SPTBN4: variants seen among roughly 807,000 people sequenced by gnomAD.
SPTBN4 encodes the protein spectrin beta chain, non-erythrocytic 4.
Under a neutral mutation model 277.8 loss-of-function variants are expected in SPTBN4, and 96 were observed. The ratio of observed to expected loss-of-function variants is 0.35; its 90% confidence interval spans 0.29 to 0.41. SPTBN4 has a LOEUF of 0.41. SPTBN4 is among the 10% of genes least tolerant of loss of function. SPTBN4 has a pLI of 1.00. For synonymous variants in SPTBN4, 1,481 were observed against 1,580.3 expected (o/e 0.94, Z 1.49); for missense variants, 3,006 against 3,595.7 (o/e 0.84, Z 4.19).
chr19:40,504,175 G>C (rs999995039), intron 12 of SPTBN4, 43 bp downstream of exon 12: 1 of 1,514,342 alleles, frequency 6.6e-7, no homozygotes, highest in Non-Finnish European at 9.0e-7. Context: ...TGCCAGGAGG[G>C]AGGGGAGGAT....
chr19:40,559,948 G>A (rs926201799), intron 26 of SPTBN4, among the ~76,000 whole-genome samples: 1 of 152,238 alleles, frequency 6.6e-6, no homozygotes, highest in African/African-American at 2.4e-5. Context: ...TCAGGCAGTG[G>A]GTTGAAAGAG....
chr19:40,526,492 C>T (rs73050111), intron 17 of SPTBN4, among the ~76,000 whole-genome samples: 52,724 of 151,816 alleles, frequency 0.35, 9,684 homozygotes, highest in Middle Eastern at 0.4. Context: ...TTCTTATCTG[C>T]GTTTTGCATG....
chr19:40,569,936 CCACACACACACACACACACACACACACA>C lies in SPTBN4; in HGVS notation c.7026+221_7026+248del, dbSNP rs60074818. 3.8e-5 allele frequency among the ~76,000 whole-genome samples: 5 copies of C among 131,570 alleles called. No homozygotes were observed. In the East Asian group the frequency reaches 8.7e-4, roughly 23 times the overall value. The allele number at this position is 131,570 out of a possible 152,430, so 86.3% of individuals were successfully genotyped here. On this transcript the variant is annotated intron_variant, in intron 32 of 35. Coordinates refer to ENST00000598249, the MANE Select transcript of SPTBN4 (RefSeq NM_020971.3). ...TACCTAAGAGACCCCTACTGCCCCTCCACACACACACACACACACACACACACACACACACACAGACACACACACACAG... is the reference window on the plus strand; with the variant it reads ...TACCTAAGAGACCCCTACTGCCCCTCCACACACACAGACACACACACACAG...
At chr19:40,563,765 G>A (rs1225888205) in intron 27 of SPTBN4, among the ~76,000 whole-genome samples, 3 of 130,110 alleles carry the variant, frequency 2.3e-5, no homozygotes, top group Non-Finnish European at 3.2e-5. Context: ...GAGGCCAGGC[G>A]CAGTGGCTCA....
rs372235364 is a variant in SPTBN4 at position 40,540,556 on chromosome 19, A to G, written c.4359+6213A>G. Among the ~76,000 whole-genome samples, 3 of 152,090 alleles carry G rather than the reference A, an allele frequency of 2.0e-5. No individual in the cohort carries two copies. In the East Asian group the frequency reaches 5.9e-4, roughly 30 times the overall value. On this transcript the variant is annotated intron_variant, in intron 20 of 35. Coordinates refer to ENST00000598249, the MANE Select transcript of SPTBN4 (RefSeq NM_020971.3). ...TGCACCTGGCCCCAAAACACATTTT[A>G]AAAAAGCAACATGGATGATTGGGCA...
At position 40,490,230 on chromosome 19, in the gene SPTBN4, C is replaced by T. The variant is rs760579496; in HGVS notation, c.477C>T (p.Thr159=). The part of the protein sequence containing the change: ...NHRLTLGLVW[T]IILRFQIQVI... ...GGCTGACGCTGGGGCTGGTCTGGAC[C>T]ATCATCCTGCGCTTCCAGGTGACCC... The change falls in exon 4 of 36, where the codon ACC becomes ACT. Residue 159 remains threonine, a synonymous_variant. Coordinates refer to ENST00000598249, the MANE Select transcript of SPTBN4 (RefSeq NM_020971.3). The surrounding 1 kb of genome is among the most constrained non-coding windows in gnomAD (Gnocchi z 4.3). 2.0e-5 allele frequency: 33 copies of T among 1,613,726 alleles called. No individual in the cohort carries two copies. The East Asian group carries it at 7.1e-4, about 35-fold the overall frequency.
chr19:40,478,868 A>C (rs2079977914), intron 2 of SPTBN4, among the ~76,000 whole-genome samples: 1 of 152,144 alleles, frequency 6.6e-6, no homozygotes, highest in African/African-American at 2.4e-5. Context: ...AAATGCTCAC[A>C]AATGCACAAC....
At chr19:40,567,188 G>A (rs1281619679) in intron 30 of SPTBN4, 1 of 454,026 alleles carries the variant, frequency 2.2e-6, no homozygotes, top group African/African-American at 2.0e-5. Flanking sequence ...CAGCTACTCA[G>A]AGGGGTGACT....
intron 30 of SPTBN4, chr19:40,567,110 C>G (rs964496410): frequency 4.4e-6 from 2 of 454,704 alleles, no homozygotes; most frequent in African/African-American, 4.0e-5. Context: ...ACTGAGAAGC[C>G]GTCTCTACCA....
At position 40,517,889 on chromosome 19, in the gene SPTBN4, C is replaced by A. The variant is rs555872415; in HGVS notation, c.2904-1512C>A. Among the ~76,000 whole-genome samples, 3 of 152,296 alleles carry A rather than the reference C, an allele frequency of 2.0e-5. No individual in the cohort carries two copies. The South Asian group carries it at 6.2e-4, about 32-fold the overall frequency. ...ATCTGGCCAGAGCAGAACTTGAACT[C>A]GGGTCTGCCTGATTTCAGAGTCCTA... On this transcript the variant is annotated intron_variant, in intron 15 of 35. Transcript: ENST00000598249.
intron 20 of SPTBN4, 167 bp downstream of exon 20, chr19:40,534,510 C>A: frequency 1.1e-6 from 1 of 904,928 alleles, no homozygotes; most frequent in Non-Finnish European, 1.6e-6. Context: ...CTAGTAATAA[C>A]TGTTGGAAGC....
In SPTBN4 at chr19:40,513,475, T is replaced by C; in HGVS notation, c.2686T>C (p.Trp896Arg). Residue 896 changes from tryptophan (W) to arginine (R), a missense_variant, in exon 14 of 36, where the codon TGG becomes CGG. This residue lies in a region of SPTBN4 where 1,759 missense variants were observed against 2,061.5 expected (regional missense o/e 0.85). Transcript: ENST00000598249. ...MFGEVHACEL[W>R]IGEKEQWLLS... ...TGGCGAGGTGCACGCGTGTGAGCTG[T>C]GGATCGGCGAGAAGGAGCAATGGCT... The C allele has an allele frequency of 6.2e-7, 1 of 1,602,230 alleles. No homozygotes were observed. The highest frequency in any genetic ancestry group is 2.2e-5 in the East Asian group (1 of 44,838).
chr19:40,513,859 CTT>C (rs748645777), intron 14 of SPTBN4, among the ~76,000 whole-genome samples: 2 of 152,180 alleles, frequency 1.3e-5, no homozygotes, highest in Non-Finnish European at 2.9e-5. Flanking sequence ...AGCATTTGCT[CTT>C]GTTACCCAGG....
intron 2 of SPTBN4, among the ~76,000 whole-genome samples, chr19:40,475,818 G>A (rs2079940866): frequency 1.3e-5 from 2 of 151,754 alleles, no homozygotes; most frequent in African/African-American, 4.8e-5. Flanking sequence ...GGCCGAGGCG[G>A]GCGGATCGCT....
In SPTBN4 at chr19:40,568,127, G is replaced by A; in HGVS notation, c.6801G>A (p.Pro2267=). The A allele has an allele frequency of 6.4e-7, 1 of 1,574,238 alleles. No homozygotes were observed. The highest frequency in any genetic ancestry group is 8.6e-7 in the Non-Finnish European group (1 of 1,160,516). ...AGGAGGCTGCGCGGAGGCGGCGGCC[G>A]GAGCGGCAGGAGTCAGCGGAGCACG... ...QSEEAARRRR[P]ERQESAEHEA... The change falls in exon 31 of 36, where the codon CCG becomes CCA. Residue 2267 remains proline, a synonymous_variant. Transcript: ENST00000598249.
chr19:40,489,680 G>A (rs968695149), intron 3 of SPTBN4, among the ~76,000 whole-genome samples: 6 of 152,160 alleles, frequency 3.9e-5, no homozygotes, highest in African/African-American at 1.2e-4. Flanking sequence ...GAGCCACTAC[G>A]CCGGGGCGGC....
intron 32 of SPTBN4, 106 bp downstream of exon 32, chr19:40,569,832 A>G: frequency 9.4e-7 from 1 of 1,061,400 alleles, no homozygotes; most frequent in East Asian, 2.7e-5. Context: ...CCCATTCCCT[A>G]CCTGGACCCT....
chr19:40,499,892 C>T (rs1181334149), intron 7 of SPTBN4, among the ~76,000 whole-genome samples: 2 of 151,770 alleles, frequency 1.3e-5, no homozygotes, highest in African/African-American at 4.9e-5. Context: ...GTCAGTTGGA[C>T]AAGGCAGTGA....
chr19:40,488,097 T>G (rs2080093409), intron 3 of SPTBN4, among the ~76,000 whole-genome samples: 1 of 151,942 alleles, frequency 6.6e-6, no homozygotes. Flanking sequence ...TAGCTACGGT[T>G]GCGAGGCGGG....
Sources: allele counts gnomAD v4.1 joint callset (sites outside exome capture counted in the v4.1 genomes callset), GRCh38; gene constraint gnomAD v4.1.1; regional missense constraint gnomAD v4.1.1; non-coding constraint Gnocchi (gnomAD v3.1); transcripts MANE v1.5; gene names NCBI Gene and HGNC (gene_info 2026-07-23, HGNC 2026-07-21).